SARNP: variants seen among roughly 807,000 people sequenced by gnomAD.
SARNP encodes the protein SAP domain-containing ribonucleoprotein.
SARNP carries 5 observed loss-of-function variants against 38.1 expected under a neutral mutation model. The ratio of observed to expected loss-of-function variants is 0.13; its 90% confidence interval spans 0.07 to 0.28. The LOEUF is 0.28. SARNP is among the 10% of genes least tolerant of loss of function. The pLI is 1.00. For synonymous variants in SARNP, 84 were observed against 80.6 expected (o/e 1.04, Z -0.23); for missense variants, 180 against 243.9 (o/e 0.74, Z 1.75).
At chr12:55,763,830 GGAGAGAT>G (rs1878747868) in intron 9 of SARNP, among the ~76,000 whole-genome samples, 1 of 152,098 alleles carries the variant, frequency 6.6e-6, no homozygotes, top group South Asian at 2.1e-4. Flanking sequence ...ATTTAGTCTT[GGAGAGAT>G]TAAGTGACTC....
intron 9 of SARNP, among the ~76,000 whole-genome samples, chr12:55,786,176 G>A (rs950903769): frequency 6.6e-6 from 1 of 152,180 alleles, no homozygotes; most frequent in African/African-American, 2.4e-5. Flanking sequence ...AATAACACAG[G>A]TATACAGTAT....
chr12:55,768,787 G>C (rs767891764), intron 9 of SARNP, among the ~76,000 whole-genome samples: 1 of 151,988 alleles, frequency 6.6e-6, no homozygotes, highest in Non-Finnish European at 1.5e-5. Context: ...GCAATGGCAC[G>C]ATCTCGGCTC....
At chr12:55,772,872 G>T (rs1182116416) in intron 9 of SARNP, among the ~76,000 whole-genome samples, 2 of 151,862 alleles carry the variant, frequency 1.3e-5, no homozygotes, top group African/African-American at 2.4e-5. Context: ...GCAACACCAC[G>T]CCCGGCTAAT....
intron 1 of SARNP, among the ~76,000 whole-genome samples, chr12:55,804,973 T>C (rs1237554758): frequency 6.6e-6 from 1 of 152,194 alleles, no homozygotes; most frequent in Admixed American, 6.5e-5. Flanking sequence ...TTTTAAAACA[T>C]ATCACAATGG....
chr12:55,778,619 A>G (rs914405131), intron 9 of SARNP, among the ~76,000 whole-genome samples: 1 of 152,140 alleles, frequency 6.6e-6, no homozygotes, highest in African/African-American at 2.4e-5. Context: ...TTTATTTTCA[A>G]AGTATTATGA....
chr12:55,817,278 G>A (rs555299510), intron 1 of SARNP, among the ~76,000 whole-genome samples: 1 of 152,262 alleles, frequency 6.6e-6, no homozygotes, highest in South Asian at 2.1e-4. Context: ...TCGGACGACA[G>A]ACTGGAAACA....
At chr12:55,781,549 C>G (rs1227778032) in intron 9 of SARNP, among the ~76,000 whole-genome samples, 1 of 143,294 alleles carries the variant, frequency 7.0e-6, no homozygotes, top group Admixed American at 6.9e-5. Flanking sequence ...AAAAAAAAAA[C>G]AAAAACAAAA....
intron 9 of SARNP, among the ~76,000 whole-genome samples, chr12:55,780,683 T>A (rs1415179041): frequency 1.3e-5 from 2 of 151,220 alleles, no homozygotes; most frequent in African/African-American, 2.4e-5. Flanking sequence ...AAAAAAAAAA[T>A]TATAACAATA....
At chr12:55,786,212 G>A (rs1436211504) in intron 9 of SARNP, among the ~76,000 whole-genome samples, 1 of 152,306 alleles carries the variant, frequency 6.6e-6, no homozygotes, top group Admixed American at 6.5e-5. Flanking sequence ...ATTCTTTTCA[G>A]CAATGTGTAG....
intron 10 of SARNP, among the ~76,000 whole-genome samples, chr12:55,759,271 A>C (rs1161324434): frequency 3.3e-5 from 5 of 152,192 alleles, no homozygotes; most frequent in African/African-American, 1.2e-4. Context: ...TAAATATTTT[A>C]AAACTATCCC....
At chr12:55,762,183 A>T (rs944040702) in intron 9 of SARNP, among the ~76,000 whole-genome samples, 1 of 152,126 alleles carries the variant, frequency 6.6e-6, no homozygotes, top group African/African-American at 2.4e-5. Flanking sequence ...GCTACTTGGG[A>T]GGCTGAGGCA....
chr12:55,791,587 C>T (rs1403611693), intron 7 of SARNP, among the ~76,000 whole-genome samples: 3 of 151,870 alleles, frequency 2.0e-5, no homozygotes, highest in Non-Finnish European at 4.4e-5. Flanking sequence ...CCCAGCTACT[C>T]GGGAGGCTGA....
At chr12:55,814,044 T>C (rs1201746322) in intron 1 of SARNP, among the ~76,000 whole-genome samples, 1 of 152,228 alleles carries the variant, frequency 6.6e-6, no homozygotes, top group Non-Finnish European at 1.5e-5. Flanking sequence ...TGCTAAGTGT[T>C]GGCAATTGAT....
rs116832844 is a variant in SARNP, at chr12:55,790,353, G to A, written c.432+214C>T. ...TTACTTTCAAAAAGAGTGGTAGGAA[G>A]GAAGACGTCTGCAGTAATTGAACAT... On this transcript the variant is annotated intron_variant, in intron 8 of 10. Transcript: ENST00000336133. Among the ~76,000 whole-genome samples, 1,048 of 152,274 alleles carry A rather than the reference G, an allele frequency of 6.9e-3. 14 individuals are homozygous for A. Among genetic ancestry groups the A allele is most frequent in the African/African-American group, 0.024 (987 of 41,558 alleles).
intron 8 of SARNP, 64 bp from the exon 9 acceptor site, chr12:55,789,207 A>G: frequency 8.9e-7 from 1 of 1,121,068 alleles, no homozygotes; most frequent in Admixed American, 2.2e-5. Flanking sequence ...AAAAATGCAG[A>G]AACTATAGTA....
chr12:55,817,443 G>A (rs1428097966), intron 1 of SARNP, among the ~76,000 whole-genome samples: 2 of 152,204 alleles, frequency 1.3e-5, no homozygotes, highest in South Asian at 2.1e-4. Flanking sequence ...ATACAATGAT[G>A]AAGGAAGCAG....
At chr12:55,778,087 A>G (rs1879234650) in intron 9 of SARNP, among the ~76,000 whole-genome samples, 1 of 152,172 alleles carries the variant, frequency 6.6e-6, no homozygotes. Flanking sequence ...GGACAAATGA[A>G]GAACCAGATG....
intron 1 of SARNP, among the ~76,000 whole-genome samples, chr12:55,804,680 C>A (rs1351177781): frequency 1.3e-5 from 2 of 152,046 alleles, no homozygotes; most frequent in South Asian, 4.1e-4. Context: ...ATGTAATGGC[C>A]TTACTGGGCT....
At chr12:55,817,513 T>C (rs1360686801) in intron 1 of SARNP, among the ~76,000 whole-genome samples, 153 bp downstream of exon 1, 1 of 151,986 alleles carries the variant, frequency 6.6e-6, no homozygotes, top group Admixed American at 6.6e-5. Context: ...AGGGAAGGCG[T>C]AGTGTGGAAG....
Sources: gnomAD v4.1 joint callset for allele counts (sites outside exome capture counted in the v4.1 genomes callset) on GRCh38, gnomAD v4.1.1 for gene constraint, MANE v1.5 for transcripts, NCBI Gene and HGNC (gene_info 2026-07-23, HGNC 2026-07-21) for gene names.